MB21D2: variants seen among roughly 807,000 people sequenced by gnomAD.
The protein encoded by MB21D2 is nucleotidyltransferase MB21D2.
In MB21D2, 9 loss-of-function variants were observed where a neutral mutation model predicts 33.3. The ratio of observed to expected loss-of-function variants is 0.27; its 90% CI spans 0.16 to 0.47. The LOEUF is 0.47. Among genes scored for constraint, MB21D2 ranks in the 20% least tolerant of loss-of-function variants. The probability of loss-of-function intolerance (pLI) is 0.99; values close to 1 mark genes in which losing one functional copy is unlikely to be tolerated. For missense variants in MB21D2, 540 were observed against 624.6 expected, an observed-to-expected ratio of 0.86 and a Z score of 1.44; for synonymous variants, 241 against 236.3, an observed-to-expected ratio of 1.02 and a Z score of -0.18.
At chr3:192,884,564 T>C (rs1713686081) in intron 1 of MB21D2, among the ~76,000 whole-genome samples, 1 of 151,980 alleles carries the variant, frequency 6.6e-6, no homozygotes, top group Non-Finnish European at 1.5e-5. Flanking sequence ...AGACGGGGTT[T>C]CACCGTGTTA....
intron 1 of MB21D2, among the ~76,000 whole-genome samples, chr3:192,861,831 T>C (rs1392547535): frequency 1.3e-5 from 2 of 151,888 alleles, no homozygotes; most frequent in African/African-American, 4.8e-5. Context: ...AACAAAAACA[T>C]AGACCCATTT....
chr3:192,881,798 G>T (rs1560248865), intron 1 of MB21D2, among the ~76,000 whole-genome samples: 1 of 152,096 alleles, frequency 6.6e-6, no homozygotes, highest in Non-Finnish European at 1.5e-5. Context: ...TATCACTAGG[G>T]AGCTATAAAT....
intron 1 of MB21D2, among the ~76,000 whole-genome samples, chr3:192,913,887 A>T (rs1322813674): frequency 6.6e-6 from 1 of 152,196 alleles, no homozygotes; most frequent in Non-Finnish European, 1.5e-5. Flanking sequence ...CAGACTGGGA[A>T]TGAAACTATA....
chr3:192,895,213 C>G (rs771085309), intron 1 of MB21D2, among the ~76,000 whole-genome samples: 1 of 152,128 alleles, frequency 6.6e-6, no homozygotes, highest in Non-Finnish European at 1.5e-5. Context: ...ATTTCACCAG[C>G]AGGTGCCCAA....
chr3:192,821,841 G>A (rs1225749628), intron 1 of MB21D2, among the ~76,000 whole-genome samples: 1 of 152,070 alleles, frequency 6.6e-6, no homozygotes, highest in Non-Finnish European at 1.5e-5. Context: ...GAGACAGGGA[G>A]GCAGCAAGAG....
At chr3:192,897,007 C>T (rs192852173) in intron 1 of MB21D2, among the ~76,000 whole-genome samples, 1 of 152,180 alleles carries the variant, frequency 6.6e-6, no homozygotes, top group East Asian at 1.9e-4. Context: ...CAAGGTGAAA[C>T]AAGACATAAA....
intron 1 of MB21D2, among the ~76,000 whole-genome samples, chr3:192,911,573 G>A (rs1577205249): frequency 1.3e-5 from 2 of 152,154 alleles, no homozygotes; most frequent in Non-Finnish European, 2.9e-5. Context: ...GATTCAATAG[G>A]TCTGAATGGG....
chr3:192,887,662 T>C (rs888895995), intron 1 of MB21D2, among the ~76,000 whole-genome samples: 3 of 152,122 alleles, frequency 2.0e-5, no homozygotes, highest in African/African-American at 4.8e-5. Flanking sequence ...AGTTCCAAAA[T>C]AAAGTTTTAA....
At chr3:192,854,343 C>T (rs902555639) in intron 1 of MB21D2, among the ~76,000 whole-genome samples, 1 of 152,208 alleles carries the variant, frequency 6.6e-6, no homozygotes, top group African/African-American at 2.4e-5. Context: ...TACCAAAAGC[C>T]AATGTCCAAT....
intron 1 of MB21D2, among the ~76,000 whole-genome samples, chr3:192,838,021 C>T (rs1712477837): frequency 6.6e-6 from 1 of 152,236 alleles, no homozygotes; most frequent in African/African-American, 2.4e-5. Context: ...CGAGGAGCAG[C>T]AGAGCTGCAT....
chr3:192,898,616 C>T (rs1165178268), intron 1 of MB21D2, among the ~76,000 whole-genome samples: 2 of 152,004 alleles, frequency 1.3e-5, no homozygotes, highest in Non-Finnish European at 2.9e-5. Context: ...AAATAGCCAA[C>T]GATACCAGCA....
At chr3:192,856,816 G>T (rs1444832619) in intron 1 of MB21D2, among the ~76,000 whole-genome samples, 1 of 152,184 alleles carries the variant, frequency 6.6e-6, no homozygotes, top group Non-Finnish European at 1.5e-5. Context: ...GCCTCCGAAA[G>T]TGTTGGGATT....
At chr3:192,916,639 T>C (rs1384002904) in intron 1 of MB21D2, among the ~76,000 whole-genome samples, 1 of 152,152 alleles carries the variant, frequency 6.6e-6, no homozygotes, top group Non-Finnish European at 1.5e-5. Flanking sequence ...CCCAGGCGCC[T>C]GGCAAACTCA....
At chr3:192,897,719 T>C (rs2108649916) in intron 1 of MB21D2, among the ~76,000 whole-genome samples, 1 of 152,246 alleles carries the variant, frequency 6.6e-6, no homozygotes, top group African/African-American at 2.4e-5. Flanking sequence ...AGGCCGGGCA[T>C]GGTGGCTCAC....
At chr3:192,870,717 A>AAAGG (rs1343683679) in intron 1 of MB21D2, among the ~76,000 whole-genome samples, 1 of 137,012 alleles carries the variant, frequency 7.3e-6, no homozygotes, top group African/African-American at 3.2e-5. Flanking sequence ...AAAAAAAAAA[A>AAAGG]AAGGAAGGAG....
chr3:192,916,038 T>C (rs976338983), intron 1 of MB21D2, among the ~76,000 whole-genome samples: 6 of 151,686 alleles, frequency 4.0e-5, no homozygotes, highest in Non-Finnish European at 8.8e-5. Flanking sequence ...AATCACTGTG[T>C]TGGCTTTTGG....
At chr3:192,853,539 A>C (rs1004870722) in intron 1 of MB21D2, among the ~76,000 whole-genome samples, 2 of 152,236 alleles carry the variant, frequency 1.3e-5, no homozygotes, top group African/African-American at 4.8e-5. Flanking sequence ...CAATGCATGC[A>C]CGCTGAATAT....
intron 1 of MB21D2, among the ~76,000 whole-genome samples, chr3:192,858,719 G>A (rs1378218077): frequency 6.6e-6 from 1 of 152,172 alleles, no homozygotes; most frequent in African/African-American, 2.4e-5. Context: ...AGGACACAAG[G>A]TATGTCCCCA....
At chr3:192,808,360 AGAG>A (rs1245404675) in intron 1 of MB21D2, among the ~76,000 whole-genome samples, 1 of 152,228 alleles carries the variant, frequency 6.6e-6, no homozygotes, top group Non-Finnish European at 1.5e-5. Flanking sequence ...AAGAGGAAGA[AGAG>A]GAGTGAAAAT....
Sources: gnomAD v4.1 joint callset for allele counts (sites outside exome capture counted in the v4.1 genomes callset) on GRCh38, gnomAD v4.1.1 for gene constraint, MANE v1.5 for transcripts, NCBI Gene and HGNC (gene_info 2026-07-23, HGNC 2026-07-21) for gene names.